DGKG: variants seen among roughly 807,000 people sequenced by gnomAD.
DGKG encodes the protein DAG kinase gamma.
In DGKG, 78 loss-of-function variants were observed where a neutral mutation model predicts 105.3. The observed-to-expected ratio is 0.74, with a 90% CI of 0.62 to 0.89. The LOEUF (loss-of-function observed/expected upper bound fraction) is 0.89, where lower values mean the gene tolerates loss of function less well. Ranked by LOEUF, DGKG falls within the 40% of genes least tolerant of loss-of-function variation. The probability of loss-of-function intolerance (pLI) is 0.00; values close to 1 mark genes in which losing one functional copy is unlikely to be tolerated. For missense variants in DGKG, 958 were observed against 1,020.1 expected, an observed-to-expected ratio of 0.94 and a Z score of 0.83; for synonymous variants, 346 against 367.1, an observed-to-expected ratio of 0.94 and a Z score of 0.66.
chr3:186,312,065 G>A (rs1394782122), intron 2 of DGKG, among the ~76,000 whole-genome samples: 3 of 110,962 alleles, frequency 2.7e-5, no homozygotes, highest in Non-Finnish European at 4.7e-5. Context: ...GCAGTGAGCC[G>A]AGATTGCGCC....
At chr3:186,300,320 A>T (rs529501724) in intron 3 of DGKG, among the ~76,000 whole-genome samples, 24 of 152,244 alleles carry the variant, frequency 1.6e-4, no homozygotes, top group African/African-American at 4.8e-4. Flanking sequence ...AAATTTCTCC[A>T]AACAGACCAG....
intron 5 of DGKG, 25 bp downstream of exon 5, chr3:186,297,396 C>T (rs747749436): frequency 8.8e-6 from 14 of 1,583,256 alleles, no homozygotes; most frequent in Non-Finnish European, 1.2e-5. Flanking sequence ...ACTTTTCCCA[C>T]AAGTCTTATA....
Position 186,353,770 on chromosome 3 carries a change from C to A in DGKG, c.-249+8176G>T, listed in dbSNP as rs532528750. The stretch of plus-strand genomic sequence containing the variant: ...TTGATCCTATCCCAAGAAATGAGTC[C>A]TATGACTAGCATGAAGTGGGTGCTC... On this transcript the variant is annotated intron_variant, in intron 1 of 24. Coordinates refer to ENST00000265022, the MANE Select transcript of DGKG (RefSeq NM_001346.3). Among the ~76,000 whole-genome samples the A allele has an allele frequency of 5.3e-5, 8 of 151,908 alleles. No individual in the cohort carries two copies. The South Asian group carries it at 1.7e-3, about 32-fold the overall frequency.
chr3:186,165,968 C>T (rs1432235796), intron 22 of DGKG, among the ~76,000 whole-genome samples: 1 of 152,226 alleles, frequency 6.6e-6, no homozygotes. Context: ...CTAACATCCT[C>T]TTAATATCCA....
intron 20 of DGKG, among the ~76,000 whole-genome samples, chr3:186,240,877 G>C (rs1473900156): frequency 6.6e-6 from 1 of 151,972 alleles, no homozygotes; most frequent in Non-Finnish European, 1.5e-5. Context: ...TTGAAGAGGA[G>C]TACTTTTTAA....
intron 1 of DGKG, among the ~76,000 whole-genome samples, chr3:186,343,282 CTTCT>C (rs1250990920): frequency 6.6e-6 from 1 of 152,066 alleles, no homozygotes; most frequent in Non-Finnish European, 1.5e-5. Flanking sequence ...CAAATCTAAT[CTTCT>C]TTCTTTCTTT....
intron 20 of DGKG, among the ~76,000 whole-genome samples, chr3:186,238,693 AG>A: frequency 6.6e-6 from 1 of 152,360 alleles, no homozygotes; most frequent in African/African-American, 2.4e-5. Flanking sequence ...GGAGGTAGAC[AG>A]GGCCAAAAAT....
intron 21 of DGKG, among the ~76,000 whole-genome samples, chr3:186,198,759 C>A (rs1169489115): frequency 6.6e-6 from 1 of 152,240 alleles, no homozygotes; most frequent in Non-Finnish European, 1.5e-5. Context: ...TAGTTACCTG[C>A]ATGTCTGCAG....
At position 186,306,885 on chromosome 3, in the gene DGKG, A is replaced by G. The variant is rs948116660; in HGVS notation, c.144+16T>C. The G allele has an allele frequency of 8.2e-6, 13 of 1,578,606 alleles. No individual in the cohort carries two copies. Among genetic ancestry groups the G allele is most frequent in the Non-Finnish European group, 1.1e-5 (13 of 1,149,542 alleles). On this transcript the variant is annotated intron_variant, in intron 3 of 24. Transcript: ENST00000265022. ...ACACAGGGGTTTTTAAAGGCTTAAAATGGAAATGTTCTTACCTCATGTGGG... is the reference window on the plus strand; with the variant it reads ...ACACAGGGGTTTTTAAAGGCTTAAAGTGGAAATGTTCTTACCTCATGTGGG...
At chr3:186,299,767 C>CTCTTTCCTTCTT (rs1723784030) in intron 3 of DGKG, among the ~76,000 whole-genome samples, 1 of 95,474 alleles carries the variant, frequency 1.0e-5, no homozygotes. Context: ...TTCTTCTTTT[C>CTCTTTCCTTCTT]TCTTTCTTTC....
rs756075676 is a variant in DGKG at position 186,265,330 on chromosome 3, G to T, written c.1210-24C>A. The T allele has an allele frequency of 1.3e-5, 21 of 1,612,098 alleles. No homozygotes were observed. The South Asian group carries it at 2.1e-4, about 16-fold the overall frequency. On this transcript the variant is annotated intron_variant, in intron 13 of 24. Coordinates refer to ENST00000265022, the MANE Select transcript of DGKG (RefSeq NM_001346.3). ...TCCTGTGACAAGAAAGGAAAGACAA[G>T]CATCTTTTGGAAAAAGAAGCCTAAC...
chr3:186,344,684 C>A (rs1490008235), intron 1 of DGKG, among the ~76,000 whole-genome samples: 2 of 151,806 alleles, frequency 1.3e-5, no homozygotes, highest in Admixed American at 1.3e-4. Context: ...GTACAACAAC[C>A]CCCCATGACA....
chr3:186,264,700 C>T (rs1038936913), intron 14 of DGKG, among the ~76,000 whole-genome samples: 1 of 152,174 alleles, frequency 6.6e-6, no homozygotes, highest in Non-Finnish European at 1.5e-5. Context: ...CAGGAGGCCC[C>T]GGTTTTCTAT....
intron 1 of DGKG, among the ~76,000 whole-genome samples, chr3:186,335,010 A>C (rs1725763436): frequency 1.3e-5 from 2 of 152,220 alleles, no homozygotes; most frequent in Non-Finnish European, 2.9e-5. Context: ...TGGGGTTTGG[A>C]AACCAGAAAG....
intron 2 of DGKG, among the ~76,000 whole-genome samples, chr3:186,311,113 TACACACTGTA>T (rs1724520962): frequency 6.6e-6 from 1 of 152,178 alleles, no homozygotes; most frequent in African/African-American, 2.4e-5. Flanking sequence ...GGGAGCTCTA[TACACACTGTA>T]ACCCAGGTCT....
intron 24 of DGKG, among the ~76,000 whole-genome samples, chr3:186,154,505 T>C (rs1384253104): frequency 6.6e-6 from 1 of 150,642 alleles, no homozygotes; most frequent in Non-Finnish European, 1.5e-5. Flanking sequence ...ATTAGCCAGG[T>C]GTGGTAGTGG....
intron 22 of DGKG, among the ~76,000 whole-genome samples, chr3:186,181,284 T>A (rs1717346781): frequency 6.6e-6 from 1 of 152,232 alleles, no homozygotes; most frequent in Non-Finnish European, 1.5e-5. Context: ...TAAGTATGTG[T>A]TAAATAAACT....
chr3:186,265,458 C>T (rs1722000885), intron 13 of DGKG, 152 bp from the exon 14 acceptor site: 1 of 686,770 alleles, frequency 1.5e-6, no homozygotes. Context: ...GGCTTCTGAC[C>T]TAAATAAAGA....
intron 6 of DGKG, among the ~76,000 whole-genome samples, chr3:186,288,244 T>A (rs1180247515): frequency 6.6e-6 from 1 of 152,186 alleles, no homozygotes; most frequent in Non-Finnish European, 1.5e-5. Context: ...CAAAGGCTTA[T>A]CAAGACAGAG....
Sources: gnomAD v4.1 joint callset for allele counts (sites outside exome capture counted in the v4.1 genomes callset) on GRCh38, gnomAD v4.1.1 for gene constraint, MANE v1.5 for transcripts, NCBI Gene and HGNC (gene_info 2026-07-23, HGNC 2026-07-21) for gene names.